Variants in RASGRF2 observed in about 807,000 individuals in gnomAD.
The protein encoded by RASGRF2 is ras-specific guanine nucleotide-releasing factor 2.
A neutral mutation model predicts 151.0 loss-of-function variants in RASGRF2; 76 were observed. The ratio of observed to expected loss-of-function variants is 0.50; its 90% CI spans 0.42 to 0.61. The LOEUF (loss-of-function observed/expected upper bound fraction) is 0.61, where lower values mean the gene tolerates loss of function less well. Among genes scored for constraint, RASGRF2 ranks in the 20% least tolerant of loss-of-function variants. The probability of loss-of-function intolerance (pLI) is 0.00; values close to 1 mark genes in which losing one functional copy is unlikely to be tolerated. For synonymous variants in RASGRF2, 504 were observed against 566.5 expected, an observed-to-expected ratio of 0.89 and a Z score of 1.57; for missense variants, 1,148 against 1,564.6, an observed-to-expected ratio of 0.73 and a Z score of 4.49.
intron 17 of RASGRF2, among the ~76,000 whole-genome samples, chr5:81,134,149 A>C (rs1181470017): frequency 1.3e-5 from 2 of 151,250 alleles, no homozygotes; most frequent in African/African-American, 4.9e-5. Context: ...TTAAGGGTAA[A>C]AATTTGGATT....
chr5:80,986,129 T>A (rs142340634), intron 1 of RASGRF2, among the ~76,000 whole-genome samples: 169 of 152,316 alleles, frequency 1.1e-3, no homozygotes, highest in African/African-American at 3.8e-3. Flanking sequence ...TAAATAAAAC[T>A]TTATAGATGC....
chr5:80,992,124 C>A (rs1280959121), intron 1 of RASGRF2, among the ~76,000 whole-genome samples: 1 of 42,780 alleles, frequency 2.3e-5, no homozygotes, highest in African/African-American at 6.7e-5. Context: ...AGTGCCCCAG[C>A]TGAATTTCCT....
intron 2 of RASGRF2, among the ~76,000 whole-genome samples, chr5:81,067,106 G>A (rs751844076): frequency 5.3e-5 from 8 of 152,102 alleles, no homozygotes; most frequent in Non-Finnish European, 7.4e-5. Context: ...TCAGTACTTC[G>A]CCTCTGTGAA....
intron 17 of RASGRF2, among the ~76,000 whole-genome samples, chr5:81,150,086 G>T (rs571971510): frequency 2.2e-4 from 34 of 152,282 alleles, no homozygotes; most frequent in African/African-American, 7.7e-4. Context: ...TCTGATTGCT[G>T]GTGTCTGGTG....
chr5:81,058,863 G>A (rs1751318888), intron 2 of RASGRF2, among the ~76,000 whole-genome samples: 1 of 148,776 alleles, frequency 6.7e-6, no homozygotes, highest in Admixed American at 6.7e-5. Context: ...AATCATATTA[G>A]ATCATATTAG....
Position 81,094,204 on chromosome 5 carries a change from C to T in RASGRF2, c.1552-92C>T, listed in dbSNP as rs1415946249. 4 of 997,070 alleles carry T rather than the reference C, an allele frequency of 4.0e-6. No individual in the cohort carries two copies. In the East Asian group the frequency reaches 1.0e-4, roughly 26 times the overall value. The allele number at this position is 997,070 out of a possible 1,614,324, so 61.8% of individuals were successfully genotyped here. A position where few individuals can be genotyped will look rare whatever the true frequency, so the allele number is the denominator to read the frequency against. The stretch of plus-strand genomic sequence containing the variant: ...TGATGCAGAATTGCTATGCTTTCTT[C>T]CATGGCAACTTGAATATAGTGTTTA... On this transcript the variant is annotated intron_variant, in intron 10 of 26. Coordinates refer to ENST00000265080, the MANE Select transcript of RASGRF2 (RefSeq NM_006909.3).
At chr5:81,021,879 G>T (rs1397382113) in intron 1 of RASGRF2, among the ~76,000 whole-genome samples, 2 of 152,100 alleles carry the variant, frequency 1.3e-5, no homozygotes, top group African/African-American at 2.4e-5. Context: ...GTCTGGACAG[G>T]GCTGAAGTAT....
chr5:81,113,394 G>A, intron 14 of RASGRF2, 144 bp from the exon 15 acceptor site: 1 of 954,586 alleles, frequency 1.0e-6, no homozygotes, highest in Middle Eastern at 2.5e-4. Context: ...GGGTATACAT[G>A]TAGCATTTAG....
Position 80,960,772 on chromosome 5 carries a change from G to A in RASGRF2, c.34G>A (p.Ala12Thr), listed in dbSNP as rs764765268. The change falls in exon 1 of 27, where the codon GCC becomes ACC. Residue 12 changes from alanine (A) to threonine (T), a missense_variant. Around this residue, in one of 5 missense-constraint regions of RASGRF2, gnomAD observed 221 missense variants for 271.3 expected, o/e 0.81. Coordinates refer to ENST00000265080, the MANE Select transcript of RASGRF2 (RefSeq NM_006909.3). This position sits in a 1 kb window ranked among gnomAD's most constrained non-coding sequence, Gnocchi z 5.5. ...GAGCGTGCGCTACAACGAGGGGCAC[G>A]CCCTGTACCTGGCCTTTCTGGCGCG... ...QKSVRYNEGH[A>T]LYLAFLARKE... is the part of the protein sequence containing the mutation. 24 of 1,609,328 alleles carry A rather than the reference G, an allele frequency of 1.5e-5. No homozygotes were observed. The Admixed American group carries it at 3.8e-4, about 26-fold the overall frequency.
At chr5:81,063,708 C>T (rs1448140888) in intron 2 of RASGRF2, among the ~76,000 whole-genome samples, 2 of 151,676 alleles carry the variant, frequency 1.3e-5, no homozygotes, top group South Asian at 2.1e-4. Context: ...TTTATTTGAC[C>T]TCTCTGACCA....
At chr5:81,146,985 T>C (rs1379657084) in intron 17 of RASGRF2, among the ~76,000 whole-genome samples, 1 of 152,130 alleles carries the variant, frequency 6.6e-6, no homozygotes, top group African/African-American at 2.4e-5. Flanking sequence ...TGAGTAAAAG[T>C]ACAAGAGTAG....
chr5:81,093,041 A>G (rs2112501761), intron 10 of RASGRF2, 80 bp downstream of exon 10: 14 of 1,378,388 alleles, frequency 1.0e-5, no homozygotes, highest in Non-Finnish European at 1.4e-5. Context: ...AGACTTTCCC[A>G]TGCTTGGTAT....
At chr5:81,159,589 G>C (rs1754336397) in intron 17 of RASGRF2, among the ~76,000 whole-genome samples, 1 of 152,190 alleles carries the variant, frequency 6.6e-6, no homozygotes, top group African/African-American at 2.4e-5. Flanking sequence ...ACTGCAAATT[G>C]GAACTAGGGG....
chr5:81,162,732 C>T (rs1359569820), intron 17 of RASGRF2, among the ~76,000 whole-genome samples: 1 of 152,256 alleles, frequency 6.6e-6, no homozygotes. Context: ...AAAAAAGCAG[C>T]TCCTGGTTTC....
At chr5:81,003,551 G>T (rs997735505) in intron 1 of RASGRF2, among the ~76,000 whole-genome samples, 1 of 152,042 alleles carries the variant, frequency 6.6e-6, no homozygotes, top group African/African-American at 2.4e-5. Context: ...TAGTAGAGAT[G>T]GAGTTTTGCC....
intron 1 of RASGRF2, among the ~76,000 whole-genome samples, chr5:81,022,563 C>T (rs1454144447): frequency 6.6e-6 from 1 of 152,210 alleles, no homozygotes; most frequent in African/African-American, 2.4e-5. Context: ...GTGCCTTAAG[C>T]TCCTCATTCT....
At chr5:80,998,084 T>C (rs946242867) in intron 1 of RASGRF2, 4 of 152,072 alleles carry the variant, frequency 2.6e-5, no homozygotes, top group Non-Finnish European at 5.9e-5. Flanking sequence ...TAGGAACTGG[T>C]GCCAAAGGAG....
At chr5:81,132,204 T>C (rs1753640548) in intron 17 of RASGRF2, among the ~76,000 whole-genome samples, 2 of 152,212 alleles carry the variant, frequency 1.3e-5, no homozygotes, top group Non-Finnish European at 2.9e-5. Flanking sequence ...GTATCCCCAA[T>C]ATCTAGAATA....
chr5:81,227,251 A>C lies in RASGRF2; in HGVS notation c.*1481A>C, dbSNP rs777739040. On this transcript the variant is annotated 3_prime_UTR_variant, in exon 27 of 27. Transcript: ENST00000265080. ...AATAAATTCCACCTGCTGGCTCTTA[A>C]GACTCAGTGAAAGAGCTAGCATTGG... The C allele has an allele frequency of 6.6e-6, 1 of 152,222 alleles. No homozygotes were observed. Among genetic ancestry groups the C allele is most frequent in the Non-Finnish European group, 1.5e-5 (1 of 68,042 alleles). The allele number at this position is 152,222 out of a possible 1,614,324, so 9.4% of individuals were successfully genotyped here. A position where few individuals can be genotyped will look rare whatever the true frequency, so the allele number is the denominator to read the frequency against.
Sources: allele counts gnomAD v4.1 joint callset (sites outside exome capture counted in the v4.1 genomes callset), GRCh38; gene constraint gnomAD v4.1.1; regional missense constraint gnomAD v4.1.1; non-coding constraint Gnocchi (gnomAD v3.1); transcripts MANE v1.5; gene names NCBI Gene and HGNC (gene_info 2026-07-23, HGNC 2026-07-21).